Variants in DOCK5 observed in about 807,000 individuals in gnomAD.
The protein encoded by DOCK5 is dedicator of cytokinesis 5.
DOCK5 carries 142 observed loss-of-function variants against 251.8 expected under a neutral mutation model. The ratio of observed to expected loss-of-function variants is 0.56; its 90% CI spans 0.49 to 0.65. DOCK5 has a LOEUF of 0.65. DOCK5 is among the 30% of genes least tolerant of loss of function. DOCK5 has a pLI of 0.00. For missense variants in DOCK5, 2,111 were observed against 2,312.3 expected (o/e 0.91, Z 1.79); for synonymous variants, 842 against 835.5 (o/e 1.01, Z -0.13).
At chr8:25,323,455 G>T (rs1805477962) in intron 16 of DOCK5, among the ~76,000 whole-genome samples, 1 of 152,278 alleles carries the variant, frequency 6.6e-6, no homozygotes, top group East Asian at 1.9e-4. Context: ...AGAGAGATGC[G>T]CTGGGAAGGT....
At chr8:25,288,744 TC>T (rs2117146020) in intron 5 of DOCK5, among the ~76,000 whole-genome samples, 1 of 152,356 alleles carries the variant, frequency 6.6e-6, no homozygotes, top group Non-Finnish European at 1.5e-5. Context: ...ATTTCTCACT[TC>T]TTTTTCCAAT....
chr8:25,193,381 CTT>C (rs201838354), intron 1 of DOCK5, among the ~76,000 whole-genome samples: 5 of 142,762 alleles, frequency 3.5e-5, no homozygotes, highest in Non-Finnish European at 3.1e-5. Flanking sequence ...CACATTACAG[CTT>C]TTTTTTTTTT....
At chr8:25,343,776 A>C (rs1351552670) in intron 25 of DOCK5, among the ~76,000 whole-genome samples, 1 of 152,142 alleles carries the variant, frequency 6.6e-6, no homozygotes, top group East Asian at 1.9e-4. Flanking sequence ...ACACCAGGGT[A>C]ACTGGCAAAC....
chr8:25,410,484 C>T (rs1354179417), intron 51 of DOCK5, among the ~76,000 whole-genome samples: 1 of 151,858 alleles, frequency 6.6e-6, no homozygotes, highest in African/African-American at 2.4e-5. Context: ...GGGGCGGGGG[C>T]AGGGTCTGGC....
chr8:25,346,565 C>T lies in DOCK5; in HGVS notation c.2754+954C>T, dbSNP rs1431357288. Among the ~76,000 whole-genome samples, 4 of 144,908 alleles carry T rather than the reference C, an allele frequency of 2.8e-5. 1 individual carries two copies. Among genetic ancestry groups the T allele is most frequent in the Non-Finnish European group, 6.1e-5 (4 of 65,880 alleles). ...CTAAGGCCGGGCGTGGTGGCTCACG[C>T]CTGTAACCCCAGCACTTTGGGAGGC... On this transcript the variant is annotated intron_variant, in intron 26 of 51. Coordinates refer to ENST00000276440, the MANE Select transcript of DOCK5 (RefSeq NM_024940.8).
chr8:25,302,603 T>G, intron 10 of DOCK5, 149 bp downstream of exon 10: 3 of 1,140,484 alleles, frequency 2.6e-6, no homozygotes, highest in Non-Finnish European at 3.6e-6. Flanking sequence ...AGGAGATATT[T>G]GTGCATCCAT....
intron 43 of DOCK5, among the ~76,000 whole-genome samples, 194 bp from the exon 44 acceptor site, chr8:25,392,602 C>G (rs1375822669): frequency 1.3e-5 from 2 of 152,144 alleles, no homozygotes; most frequent in Non-Finnish European, 2.9e-5. Flanking sequence ...AGTAGACGAT[C>G]CCTTTCAGCT....
rs1800892229 is a variant in DOCK5, at chr8:25,372,573, G to T, written c.3539G>T (p.Cys1180Phe). ...VLLEKLLLEHCRKHKYLSSSG... is the reference protein window; with the variant it reads ...VLLEKLLLEHFRKHKYLSSSG... ...CGCCCCTCCAGGCTCCTAGAACATT[G>T]CCGGAAACACAAATACCTCTCCAGC... is the stretch of plus-strand genomic sequence containing the variant. The change falls in exon 35 of 52, where the codon TGC (cysteine) becomes TTC (phenylalanine). Residue 1180 changes from cysteine to phenylalanine, a missense_variant. Cys to Phe is a radical substitution (Grantham distance 205, BLOSUM62 -2). This residue lies in a region of DOCK5 where 1,717 missense variants were observed against 1,892.4 expected (regional missense o/e 0.91). Coordinates refer to ENST00000276440, the MANE Select transcript of DOCK5 (RefSeq NM_024940.8). 6.3e-7 allele frequency: 1 copy of T among 1,581,150 alleles called. No homozygotes were observed. Among genetic ancestry groups the T allele is most frequent in the Non-Finnish European group, 8.6e-7 (1 of 1,168,956 alleles).
chr8:25,321,591 G>A (rs1167778475), intron 16 of DOCK5, among the ~76,000 whole-genome samples: 2 of 152,046 alleles, frequency 1.3e-5, no homozygotes, highest in African/African-American at 2.4e-5. Context: ...AATAGGGTTC[G>A]GCTCCTGTGA....
At chr8:25,309,092 T>C (rs942297265) in intron 12 of DOCK5, among the ~76,000 whole-genome samples, 167 bp downstream of exon 12, 1 of 152,228 alleles carries the variant, frequency 6.6e-6, no homozygotes, top group Non-Finnish European at 1.5e-5. Context: ...CTGAACTGCA[T>C]TGAGATGCAC....
In DOCK5 at chr8:25,242,279, C is replaced by T. The variant is rs147061863; in HGVS notation, c.44-1395C>T. Among the ~76,000 whole-genome samples, 625 of 152,278 alleles carry T rather than the reference C, an allele frequency of 4.1e-3. 2 individuals carry two copies. Among genetic ancestry groups the T allele is most frequent in the African/African-American group, 0.014 (599 of 41,542 alleles). On this transcript the variant is annotated intron_variant, in intron 1 of 51. Transcript: ENST00000276440. ...TACAGCCCACCACTGCAGCTCTGAA[C>T]ATTCACATAAGGTTCTTATGTAGAC...
At position 25,302,317 on chromosome 8, in the gene DOCK5, C is replaced by T. The variant is rs1049533573; in HGVS notation, c.847-8C>T. ...CCACCTCCTCTCACACTTTCTCTGCCCCTTTAGGACCTTAGCAGCATGGAC... is the reference window on the plus strand; with the variant it reads ...CCACCTCCTCTCACACTTTCTCTGCTCCTTTAGGACCTTAGCAGCATGGAC... On this transcript the variant is annotated splice_region_variant and splice_polypyrimidine_tract_variant and intron_variant, in intron 9 of 51. Coordinates refer to ENST00000276440, the MANE Select transcript of DOCK5 (RefSeq NM_024940.8). The T allele has an allele frequency of 6.3e-7, 1 of 1,593,012 alleles. No homozygotes were observed.
Position 25,400,854 on chromosome 8 carries a change from C to T in DOCK5, c.4789-75C>T, listed in dbSNP as rs1801426396. ...AGCAGTTTACCTTTCCACCCCATCCCTCCCTTCCCCAACCAAATCAAAACG... is the reference window on the plus strand; with the variant it reads ...AGCAGTTTACCTTTCCACCCCATCCTTCCCTTCCCCAACCAAATCAAAACG... On this transcript the variant is annotated intron_variant, in intron 46 of 51. Coordinates refer to ENST00000276440, the MANE Select transcript of DOCK5 (RefSeq NM_024940.8). The T allele has an allele frequency of 7.0e-6, 11 of 1,560,784 alleles. No individual in the cohort carries two copies. In the South Asian group the frequency reaches 1.3e-4, roughly 18 times the overall value.
At chr8:25,206,922 T>C (rs907396064) in intron 1 of DOCK5, among the ~76,000 whole-genome samples, 1 of 152,100 alleles carries the variant, frequency 6.6e-6, no homozygotes, top group African/African-American at 2.4e-5. Context: ...AAAAGCTGAT[T>C]GATAGAGAGA....
intron 2 of DOCK5, among the ~76,000 whole-genome samples, chr8:25,263,610 AC>A (rs1369436445): frequency 6.6e-6 from 1 of 150,992 alleles, no homozygotes; most frequent in Non-Finnish European, 1.5e-5. Flanking sequence ...CCATGGGAAC[AC>A]CCCCCTCACC....
intron 51 of DOCK5, 97 bp from the exon 52 acceptor site, chr8:25,411,097 A>G (rs762264733): frequency 1.5e-5 from 21 of 1,370,278 alleles, no homozygotes; most frequent in Non-Finnish European, 1.8e-5. Context: ...ACTCAGATCA[A>G]TTAGAAGCTA....
At chr8:25,326,557 C>T (rs978245152) in intron 18 of DOCK5, among the ~76,000 whole-genome samples, 6 of 152,158 alleles carry the variant, frequency 3.9e-5, no homozygotes, top group African/African-American at 7.2e-5. Context: ...ACATAAAAGA[C>T]GTGACAAAAC....
At chr8:25,228,878 T>TC (rs1479721302) in intron 1 of DOCK5, among the ~76,000 whole-genome samples, 1 of 152,296 alleles carries the variant, frequency 6.6e-6, no homozygotes, top group South Asian at 2.1e-4. Context: ...TTACTTTTTT[T>TC]CCTACAGGAA....
intron 22 of DOCK5, among the ~76,000 whole-genome samples, chr8:25,336,729 G>A (rs1355394620): frequency 6.6e-6 from 1 of 152,176 alleles, no homozygotes; most frequent in African/African-American, 2.4e-5. Context: ...CTCAGGGGAG[G>A]TGTTGCCTGA....
Sources: allele counts gnomAD v4.1 joint callset (sites outside exome capture counted in the v4.1 genomes callset), GRCh38; gene constraint gnomAD v4.1.1; regional missense constraint gnomAD v4.1.1; transcripts MANE v1.5; gene names NCBI Gene and HGNC (gene_info 2026-07-23, HGNC 2026-07-21).